The following TCF4 variants were observed in gnomAD, a reference collection of about 807,000 sequenced individuals.
The protein encoded by TCF4 is transcription factor 4, also known as SL3-3 enhancer factor 2.
TCF4 carries 3 observed loss-of-function variants against 82.1 expected under a neutral mutation model. The ratio of observed to expected loss-of-function variants is 0.04; its 90% CI spans 0.02 to 0.09. The LOEUF (loss-of-function observed/expected upper bound fraction) is 0.09, where lower values mean the gene tolerates loss of function less well. Among genes scored for constraint, TCF4 ranks in the 10% least tolerant of loss-of-function variants. The pLI is 1.00. For missense variants in TCF4, 518 were observed against 852.7 expected (o/e 0.61, Z 4.89); for synonymous variants, 276 against 309.6 (o/e 0.89, Z 1.14).
At chr18:55,232,753 A>G in intron 16 of TCF4, 82 bp from the exon 17 acceptor site, 1 of 1,519,558 alleles carries the variant, frequency 6.6e-7, no homozygotes, top group Non-Finnish European at 9.1e-7. Flanking sequence ...CCAGCAGACA[A>G]TTCATACTGC....
chr18:55,480,295 A>AAAAAG (rs2096394885), intron 3 of TCF4, among the ~76,000 whole-genome samples: 3 of 121,642 alleles, frequency 2.5e-5, no homozygotes, highest in Non-Finnish European at 3.5e-5. Context: ...AAAAAAAAAA[A>AAAAAG]AGCGGGGGGG....
chr18:55,454,359 T>C (rs1248778892), intron 5 of TCF4, among the ~76,000 whole-genome samples: 2 of 152,092 alleles, frequency 1.3e-5, no homozygotes, highest in Non-Finnish European at 2.9e-5. Context: ...TTCTTCTTGG[T>C]ACAGTAAGGT....
At chr18:55,274,413 T>C (rs971269948) in intron 10 of TCF4, among the ~76,000 whole-genome samples, 7 of 152,152 alleles carry the variant, frequency 4.6e-5, no homozygotes, top group Admixed American at 4.6e-4. Flanking sequence ...ATTGACTACT[T>C]AGCATCTCTA....
chr18:55,263,751 G>A (rs1220648607), intron 11 of TCF4, among the ~76,000 whole-genome samples: 1 of 150,364 alleles, frequency 6.7e-6, no homozygotes, highest in Middle Eastern at 3.4e-3. Context: ...TCCTAGAAGC[G>A]ATATTTCTTT....
chr18:55,279,921 C>A (rs1355499698), intron 8 of TCF4, among the ~76,000 whole-genome samples: 2 of 152,198 alleles, frequency 1.3e-5, no homozygotes, highest in East Asian at 3.8e-4. Context: ...GTTGTAAATA[C>A]ACTGTATAAT....
rs144994736 is a variant in TCF4, at chr18:55,258,797, T to A, written c.1069+1152A>T. Among the ~76,000 whole-genome samples, 330 of 152,302 alleles carry A rather than the reference T, an allele frequency of 2.2e-3. 2 individuals are homozygous for A. The highest frequency in any genetic ancestry group is 7.6e-3 in the African/African-American group (317 of 41,566). ...GGTTACTGACAATTGAAATCATTTT[T>A]CAGAGTGTAAGAATCTGGTACAGAA... On this transcript the variant is annotated intron_variant, in intron 13 of 19. Coordinates refer to ENST00000354452, the MANE Select transcript of TCF4 (RefSeq NM_001083962.2).
intron 3 of TCF4, among the ~76,000 whole-genome samples, chr18:55,480,366 C>A (rs1406178293): frequency 1.3e-5 from 2 of 149,360 alleles, no homozygotes; most frequent in East Asian, 2.0e-4. Flanking sequence ...ATATTTGACA[C>A]CAAAAGGATA....
Position 55,371,471 on chromosome 18 carries a change from T to A in TCF4, c.370-20468A>T, listed in dbSNP as rs925797042. Among the ~76,000 whole-genome samples the A allele has an allele frequency of 5.3e-5, 8 of 152,108 alleles. No individual in the cohort carries two copies. In the South Asian group the frequency reaches 1.7e-3, roughly 32 times the overall value. ...AGAGATGCTTGGAGAAATAAAGAAATCATGCCTGTGGAGACTATCACATAT... is the reference window on the plus strand; with the variant it reads ...AGAGATGCTTGGAGAAATAAAGAAAACATGCCTGTGGAGACTATCACATAT... On this transcript the variant is annotated intron_variant, in intron 6 of 19. Coordinates refer to ENST00000354452, the MANE Select transcript of TCF4 (RefSeq NM_001083962.2).
chr18:55,267,080 T>C (rs2059346475), intron 11 of TCF4: 1 of 152,190 alleles, frequency 6.6e-6, no homozygotes, highest in South Asian at 2.1e-4. Flanking sequence ...TGCAACTTTT[T>C]ACCAGGAAAA....
At chr18:55,319,679 CAAAAA>C (rs556811648) in intron 8 of TCF4, among the ~76,000 whole-genome samples, 1 of 134,544 alleles carries the variant, frequency 7.4e-6, no homozygotes. Context: ...ACCATCCTCT[CAAAAA>C]AAAAAAAAAT....
chr18:55,347,665 G>A lies in TCF4; in HGVS notation c.549+2694C>T, dbSNP rs563713267. ...TGGGAGGAAGACCCAGCCTAATGGC[G>A]GCAGAAGTCCAGTCTCTGTACCACA... On this transcript the variant is annotated intron_variant, in intron 8 of 19. Coordinates refer to ENST00000354452, the MANE Select transcript of TCF4 (RefSeq NM_001083962.2). Among the ~76,000 whole-genome samples, 10 of 152,150 alleles carry A rather than the reference G, an allele frequency of 6.6e-5. No homozygotes were observed. The South Asian group carries it at 1.5e-3, about 22-fold the overall frequency.
intron 3 of TCF4, among the ~76,000 whole-genome samples, chr18:55,569,039 C>T (rs544685718): frequency 1.7e-4 from 26 of 151,970 alleles, no homozygotes; most frequent in Admixed American, 8.5e-4. Context: ...AATTCAATAC[C>T]TGTTCATGAT....
At chr18:55,240,940 G>A (rs904920713) in intron 15 of TCF4, among the ~76,000 whole-genome samples, 8 of 152,128 alleles carry the variant, frequency 5.3e-5, no homozygotes, top group Admixed American at 5.2e-4. Context: ...AAACATCACA[G>A]CTTCTCTTAT....
At chr18:55,323,306 G>A (rs1358195185) in intron 8 of TCF4, among the ~76,000 whole-genome samples, 4 of 152,124 alleles carry the variant, frequency 2.6e-5, no homozygotes, top group Non-Finnish European at 4.4e-5. Context: ...CTATTCTCAA[G>A]AATCAACTTT....
intron 8 of TCF4, among the ~76,000 whole-genome samples, chr18:55,341,986 T>C (rs976490251): frequency 3.9e-5 from 6 of 152,248 alleles, no homozygotes; most frequent in East Asian, 1.9e-4. Flanking sequence ...TAAGAATACA[T>C]AGAAGAAAAA....
At chr18:55,446,063 T>C (rs1221187551) in intron 5 of TCF4, among the ~76,000 whole-genome samples, 1 of 152,110 alleles carries the variant, frequency 6.6e-6, no homozygotes, top group Non-Finnish European at 1.5e-5. Flanking sequence ...CAGATTCTGG[T>C]AATGTTTTTC....
At chr18:55,531,763 C>G (rs1185651755) in intron 3 of TCF4, among the ~76,000 whole-genome samples, 1 of 152,172 alleles carries the variant, frequency 6.6e-6, no homozygotes, top group Admixed American at 6.5e-5. Flanking sequence ...GTATGTTCCA[C>G]TTTCCAAGAC....
chr18:55,321,494 G>A (rs1167018384), intron 8 of TCF4: 1 of 938,780 alleles, frequency 1.1e-6, no homozygotes, highest in Non-Finnish European at 1.6e-6. Flanking sequence ...AAAGACGAAG[G>A]AGAAGAAGTA....
intron 3 of TCF4, chr18:55,547,022 G>A (rs540833126): frequency 6.6e-6 from 1 of 152,348 alleles, no homozygotes; most frequent in East Asian, 1.9e-4. Flanking sequence ...CTCCTGAGGA[G>A]AAAACATTCT....
Sources: allele counts gnomAD v4.1 joint callset (sites outside exome capture counted in the v4.1 genomes callset), GRCh38; gene constraint gnomAD v4.1.1; transcripts MANE v1.5; gene names NCBI Gene and HGNC (gene_info 2026-07-23, HGNC 2026-07-21).